FAM135B: variants seen among roughly 807,000 people sequenced by gnomAD.
The protein encoded by FAM135B is family with sequence similarity 135 member B.
FAM135B carries 43 observed loss-of-function variants against 127.7 expected under a neutral mutation model. The observed-to-expected ratio is 0.34, with a 90% CI of 0.26 to 0.43. The LOEUF is 0.43. FAM135B is among the 20% of genes least tolerant of loss of function. FAM135B has a pLI of 1.00. For synonymous variants in FAM135B, 670 were observed against 665.1 expected, an observed-to-expected ratio of 1.01 and a Z score of -0.11; for missense variants, 1,558 against 1,725.6, an observed-to-expected ratio of 0.90 and a Z score of 1.72.
intron 1 of FAM135B, among the ~76,000 whole-genome samples, chr8:138,445,404 A>G (rs1235016252): frequency 1.3e-5 from 2 of 152,234 alleles, no homozygotes; most frequent in African/African-American, 2.4e-5. Context: ...AAAATCCTCA[A>G]TAAAATACTG....
intron 1 of FAM135B, among the ~76,000 whole-genome samples, chr8:138,379,102 A>C (rs1831672283): frequency 6.6e-6 from 1 of 152,264 alleles, no homozygotes; most frequent in African/African-American, 2.4e-5. Flanking sequence ...CACTTACTGA[A>C]ACACATGCAC....
chr8:138,309,207 C>A (rs759275091), intron 3 of FAM135B, among the ~76,000 whole-genome samples: 7 of 152,132 alleles, frequency 4.6e-5, no homozygotes, highest in Non-Finnish European at 8.8e-5. Flanking sequence ...CCTGCTCTCT[C>A]TGTGGACATC....
At chr8:138,324,655 C>G (rs1827678164) in intron 2 of FAM135B, among the ~76,000 whole-genome samples, 1 of 152,296 alleles carries the variant, frequency 6.6e-6, no homozygotes, top group African/African-American at 2.4e-5. Flanking sequence ...AAAACCATCC[C>G]TGTATGGTGG....
At chr8:138,146,174 A>G in intron 14 of FAM135B, 124 bp from the exon 15 acceptor site, 1 of 604,272 alleles carries the variant, frequency 1.7e-6, no homozygotes, top group Non-Finnish European at 3.0e-6. Context: ...CTTTTGGTTA[A>G]GTAGATAATA....
At chr8:138,414,868 C>CAG (rs1834055569) in intron 1 of FAM135B, among the ~76,000 whole-genome samples, 1 of 152,138 alleles carries the variant, frequency 6.6e-6, no homozygotes, top group South Asian at 2.1e-4. Context: ...AATCTCTGTG[C>CAG]AGAGATGATC....
At chr8:138,426,467 T>A (rs1834895829) in intron 1 of FAM135B, among the ~76,000 whole-genome samples, 1 of 151,326 alleles carries the variant, frequency 6.6e-6, no homozygotes, top group Admixed American at 6.6e-5. Context: ...ACTGTGCCAT[T>A]CTTGGTGATA....
intron 12 of FAM135B, among the ~76,000 whole-genome samples, chr8:138,165,480 G>A (rs746672560): frequency 4.0e-4 from 61 of 151,916 alleles, no homozygotes; most frequent in Non-Finnish European, 7.4e-4. Context: ...GTGAGTTGAG[G>A]GACTGAGATT....
At chr8:138,407,681 G>T (rs1308700133) in intron 1 of FAM135B, among the ~76,000 whole-genome samples, 1 of 152,174 alleles carries the variant, frequency 6.6e-6, no homozygotes, top group Admixed American at 6.5e-5. Flanking sequence ...TTAATAAATG[G>T]TGCTGGGAAA....
At chr8:138,486,534 G>A (rs889161689) in intron 1 of FAM135B, among the ~76,000 whole-genome samples, 11 of 152,192 alleles carry the variant, frequency 7.2e-5, no homozygotes, top group African/African-American at 2.7e-4. Context: ...GCCCACAGCT[G>A]ACGGGAGCTG....
At chr8:138,448,126 G>A (rs1227177936) in intron 1 of FAM135B, among the ~76,000 whole-genome samples, 3 of 151,004 alleles carry the variant, frequency 2.0e-5, no homozygotes, top group Non-Finnish European at 4.4e-5. Flanking sequence ...AAAAAAAAAA[G>A]AAAAAGTACT....
chr8:138,356,260 G>C (rs1034298848), intron 2 of FAM135B, among the ~76,000 whole-genome samples: 1 of 62,446 alleles, frequency 1.6e-5, no homozygotes, highest in Non-Finnish European at 3.2e-5. Flanking sequence ...GAGACAGAAA[G>C]GGAAAGAGAG....
At chr8:138,191,717 G>A (rs1002437877) in intron 9 of FAM135B, among the ~76,000 whole-genome samples, 7 of 152,174 alleles carry the variant, frequency 4.6e-5, no homozygotes, top group South Asian at 2.1e-4. Flanking sequence ...CCAGGAAAAC[G>A]TTGATCCTTT....
At position 138,495,364 on chromosome 8, in the gene FAM135B, A is replaced by C. The variant is rs561234188; in HGVS notation, c.-20+1307T>G. On this transcript the variant is annotated intron_variant, in intron 1 of 19. Coordinates refer to ENST00000395297, the MANE Select transcript of FAM135B (RefSeq NM_015912.4). ...GTTTTCTGACCCTCCAATCTGGTCC[A>C]CTTTCCTCTACACCTAACCATCTGT... 7.2e-5 allele frequency among the ~76,000 whole-genome samples: 11 copies of C among 152,302 alleles called. No individual in the cohort carries two copies. The South Asian group carries it at 1.4e-3, about 20-fold the overall frequency.
At chr8:138,306,068 A>T (rs1398045862) in intron 3 of FAM135B, among the ~76,000 whole-genome samples, 1 of 152,110 alleles carries the variant, frequency 6.6e-6, no homozygotes, top group Non-Finnish European at 1.5e-5. Flanking sequence ...TACTAAGAAA[A>T]ATTTATGTTC....
At chr8:138,426,506 ATATATG>A (rs1383176908) in intron 1 of FAM135B, among the ~76,000 whole-genome samples, 1 of 150,970 alleles carries the variant, frequency 6.6e-6, no homozygotes, top group African/African-American at 2.4e-5. Flanking sequence ...TATGTATACT[ATATATG>A]TATAATATAT....
At chr8:138,315,499 C>T (rs903695521) in intron 2 of FAM135B, among the ~76,000 whole-genome samples, 10 of 152,084 alleles carry the variant, frequency 6.6e-5, no homozygotes, top group African/African-American at 2.4e-4. Flanking sequence ...AAAGTCAGCA[C>T]CTCATGGAGA....
At chr8:138,487,240 GGGACATCTGCA>G (rs1159273160) in intron 1 of FAM135B, among the ~76,000 whole-genome samples, 1 of 152,120 alleles carries the variant, frequency 6.6e-6, no homozygotes, top group African/African-American at 2.4e-5. Context: ...AGTCCATGCA[GGGACATCTGCA>G]GGCTCCAAAG....
At chr8:138,187,670 A>C (rs1003742533) in intron 9 of FAM135B, among the ~76,000 whole-genome samples, 1 of 152,224 alleles carries the variant, frequency 6.6e-6, no homozygotes, top group Non-Finnish European at 1.5e-5. Flanking sequence ...AGCTTCTATT[A>C]ATAAAACCCT....
chr8:138,167,853 A>C (rs560762325), intron 12 of FAM135B, 42 bp downstream of exon 12: 8 of 1,555,378 alleles, frequency 5.1e-6, no homozygotes, highest in Middle Eastern at 1.7e-4. Flanking sequence ...ATCCCACTGG[A>C]AAGCCTTATT....
Sources: gnomAD v4.1 joint callset for allele counts (sites outside exome capture counted in the v4.1 genomes callset) on GRCh38, gnomAD v4.1.1 for gene constraint, MANE v1.5 for transcripts, NCBI Gene and HGNC (gene_info 2026-07-23, HGNC 2026-07-21) for gene names.